Variants in APBA1 observed in about 807,000 individuals in gnomAD.
APBA1 encodes the protein amyloid-beta A4 precursor protein-binding family A member 1.
In APBA1, 55 loss-of-function variants were observed where a neutral mutation model predicts 86.6. The observed-to-expected ratio is 0.64, with a 90% confidence interval of 0.51 to 0.80. The LOEUF (loss-of-function observed/expected upper bound fraction) is 0.80, where lower values mean the gene tolerates loss of function less well. APBA1 is among the 30% of genes least tolerant of loss of function. APBA1 has a pLI of 0.00. For synonymous variants in APBA1, 511 were observed against 493.9 expected (o/e 1.03, Z -0.46); for missense variants, 1,090 against 1,183.0 (o/e 0.92, Z 1.15).
intron 1 of APBA1, among the ~76,000 whole-genome samples, chr9:69,557,113 G>T (rs898110068): frequency 6.6e-6 from 1 of 152,110 alleles, no homozygotes; most frequent in African/African-American, 2.4e-5. Flanking sequence ...TTGTATCCAC[G>T]ATCATGAATA....
chr9:69,491,827 C>T (rs536654766), intron 2 of APBA1, among the ~76,000 whole-genome samples: 7 of 147,240 alleles, frequency 4.8e-5, no homozygotes, highest in South Asian at 2.1e-4. Flanking sequence ...TGCAGTGGTG[C>T]GATCTCAGTT....
chr9:69,519,874 G>T (rs1219644580), intron 1 of APBA1, among the ~76,000 whole-genome samples: 2 of 152,174 alleles, frequency 1.3e-5, no homozygotes, highest in Non-Finnish European at 2.9e-5. Flanking sequence ...TTGATTCAAA[G>T]GAAATGGAAC....
chr9:69,468,080 A>G, intron 4 of APBA1, 112 bp from the exon 5 acceptor site: 2 of 1,290,870 alleles, frequency 1.5e-6, no homozygotes, highest in Admixed American at 2.0e-5. Flanking sequence ...GGTGAGGCAG[A>G]GCCAACCTGC....
At chr9:69,436,415 G>A (rs576668331) in intron 11 of APBA1, among the ~76,000 whole-genome samples, 50 of 152,072 alleles carry the variant, frequency 3.3e-4, no homozygotes, top group African/African-American at 1.2e-3. Context: ...CCATGAGCAT[G>A]GAATGTTCTT....
At chr9:69,582,988 C>A (rs1395725005) in intron 1 of APBA1, among the ~76,000 whole-genome samples, 1 of 152,056 alleles carries the variant, frequency 6.6e-6, no homozygotes, top group Admixed American at 6.6e-5. Context: ...TTAGAATGAT[C>A]CTGTATGGAA....
intron 1 of APBA1, among the ~76,000 whole-genome samples, chr9:69,651,950 GAAGT>G (rs1325747793): frequency 6.6e-6 from 1 of 152,184 alleles, no homozygotes; most frequent in Non-Finnish European, 1.5e-5. Flanking sequence ...GGCCTACAAA[GAAGT>G]AATTAAGGTT....
At chr9:69,634,362 A>G (rs748225623) in intron 1 of APBA1, among the ~76,000 whole-genome samples, 21 of 152,202 alleles carry the variant, frequency 1.4e-4, no homozygotes, top group Non-Finnish European at 2.4e-4. Flanking sequence ...CCAGAGGGGA[A>G]TTGCCCATTC....
chr9:69,573,570 G>T (rs1000980634), intron 1 of APBA1, among the ~76,000 whole-genome samples: 7 of 152,214 alleles, frequency 4.6e-5, no homozygotes, highest in Non-Finnish European at 1.0e-4. Context: ...CATTGCCAAA[G>T]TGTAGGGTGT....
intron 1 of APBA1, among the ~76,000 whole-genome samples, chr9:69,520,535 A>G (rs1205618128): frequency 6.6e-6 from 1 of 152,234 alleles, no homozygotes; most frequent in East Asian, 1.9e-4. Flanking sequence ...ACTGATAAGT[A>G]CAATGCTAAT....
chr9:69,474,995 T>C (rs1835419925), intron 3 of APBA1, among the ~76,000 whole-genome samples: 1 of 152,188 alleles, frequency 6.6e-6, no homozygotes, highest in Non-Finnish European at 1.5e-5. Context: ...CTCCTCAGTG[T>C]TGATGAGAGA....
At chr9:69,660,012 C>A (rs1469816972) in intron 1 of APBA1, among the ~76,000 whole-genome samples, 2 of 152,170 alleles carry the variant, frequency 1.3e-5, no homozygotes, top group Non-Finnish European at 2.9e-5. Context: ...TAACTACATA[C>A]CCACGTGCAC....
chr9:69,493,414 A>T (rs7846709), intron 2 of APBA1, among the ~76,000 whole-genome samples: 151,292 of 152,112 alleles, frequency 0.99, 75,250 homozygotes, highest in Middle Eastern at 1. Context: ...CAGCAGTCCA[A>T]CCCCATTTCA....
intron 11 of APBA1, among the ~76,000 whole-genome samples, chr9:69,435,074 T>C (rs983267308): frequency 2.0e-5 from 3 of 151,834 alleles, no homozygotes; most frequent in Admixed American, 1.3e-4. Flanking sequence ...CATAGTTTTC[T>C]GAGAATGATG....
At chr9:69,611,285 G>GAAA (rs56357426) in intron 1 of APBA1, among the ~76,000 whole-genome samples, 71 of 111,912 alleles carry the variant, frequency 6.3e-4, no homozygotes, top group African/African-American at 2.0e-3. Flanking sequence ...ACCAGAAAAG[G>GAAA]AAAAAAAAAA....
intron 2 of APBA1, among the ~76,000 whole-genome samples, chr9:69,481,444 C>G (rs1835506732): frequency 6.6e-6 from 1 of 151,960 alleles, no homozygotes; most frequent in African/African-American, 2.4e-5. Context: ...AGGAGAACTA[C>G]AAACCACTGC....
intron 2 of APBA1, among the ~76,000 whole-genome samples, chr9:69,515,717 G>A (rs1434087236): frequency 6.8e-6 from 1 of 146,518 alleles, no homozygotes; most frequent in Non-Finnish European, 1.5e-5. Context: ...GGGGGTGGAG[G>A]GCGATGTACC....
In APBA1 at chr9:69,672,273, T is replaced by C. The variant is rs964454862; in HGVS notation, c.-190A>G. ...TGCTGCCTCCAGCGCCACCATCTTC[T>C]CCCGCCGCAGCTGCCGCCGCCGCCG... On this transcript the variant is annotated 5_prime_UTR_variant, in exon 1 of 13. Coordinates refer to ENST00000265381, the MANE Select transcript of APBA1 (RefSeq NM_001163.4). 5.7e-6 allele frequency: 1 copy of C among 174,586 alleles called. No homozygotes were observed. The highest frequency in any genetic ancestry group is 1.2e-5 in the Non-Finnish European group (1 of 85,694). The allele number at this position is 174,586 out of a possible 1,614,324, so 10.8% of individuals were successfully genotyped here.
intron 2 of APBA1, among the ~76,000 whole-genome samples, chr9:69,480,930 A>C (rs1835495902): frequency 1.4e-5 from 2 of 144,038 alleles, no homozygotes; most frequent in Admixed American, 1.4e-4. Flanking sequence ...ACAACCCTTC[A>C]TGCTAAAAAC....
intron 1 of APBA1, among the ~76,000 whole-genome samples, chr9:69,541,258 C>CG (rs1294574541): frequency 6.7e-6 from 1 of 149,176 alleles, no homozygotes; most frequent in African/African-American, 2.5e-5. Context: ...GGGACCCCCC[C>CG]CCCCATTCTG....
Sources: gnomAD v4.1 joint callset for allele counts (sites outside exome capture counted in the v4.1 genomes callset) on GRCh38, gnomAD v4.1.1 for gene constraint, MANE v1.5 for transcripts, NCBI Gene and HGNC (gene_info 2026-07-23, HGNC 2026-07-21) for gene names.